Variants in RGS7 observed in about 807,000 individuals in gnomAD.
RGS7 encodes regulator of G protein signaling 7.
In RGS7, 27 loss-of-function variants were observed where a neutral mutation model predicts 81.1. The ratio of observed to expected loss-of-function variants is 0.33; its 90% CI spans 0.25 to 0.46. The LOEUF (loss-of-function observed/expected upper bound fraction) is 0.46. Ranked by LOEUF, RGS7 falls within the 20% of genes least tolerant of loss-of-function variation. The probability of loss-of-function intolerance (pLI) is 1.00; values close to 1 mark genes in which losing one functional copy is unlikely to be tolerated. For missense variants in RGS7, 396 were observed against 607.4 expected (o/e 0.65, Z 3.66); for synonymous variants, 208 against 207.7 (o/e 1.00, Z -0.01).
At chr1:241,104,623 C>T (rs1376610955) in intron 2 of RGS7, among the ~76,000 whole-genome samples, 1 of 152,164 alleles carries the variant, frequency 6.6e-6, no homozygotes, top group African/African-American at 2.4e-5. Context: ...GTTTGCAAGA[C>T]TTAATTTTTT....
intron 2 of RGS7, among the ~76,000 whole-genome samples, chr1:241,233,106 T>C (rs1487152892): frequency 6.6e-6 from 1 of 152,218 alleles, no homozygotes; most frequent in Non-Finnish European, 1.5e-5. Flanking sequence ...TATGTTTCCC[T>C]AGCACTGAAC....
intron 4 of RGS7, among the ~76,000 whole-genome samples, chr1:240,941,878 G>C (rs1677643516): frequency 6.6e-6 from 1 of 150,768 alleles, no homozygotes; most frequent in Non-Finnish European, 1.5e-5. Context: ...CGGCACACCA[G>C]ATGGCCCAGC....
intron 2 of RGS7, among the ~76,000 whole-genome samples, chr1:241,234,344 G>T (rs1037848795): frequency 2.0e-5 from 3 of 152,092 alleles, no homozygotes; most frequent in African/African-American, 7.2e-5. Flanking sequence ...AAGAAATAAA[G>T]ACCATATTTC....
chr1:241,020,232 G>T (rs148911692), intron 3 of RGS7, among the ~76,000 whole-genome samples: 1 of 152,248 alleles, frequency 6.6e-6, no homozygotes, highest in Admixed American at 6.5e-5. Context: ...AATAAAACAC[G>T]CATGTATTCA....
At chr1:240,858,847 T>C (rs1215826935) in intron 9 of RGS7, among the ~76,000 whole-genome samples, 1 of 152,202 alleles carries the variant, frequency 6.6e-6, no homozygotes, top group African/African-American at 2.4e-5. Flanking sequence ...CCCACTTCAC[T>C]GTGGTGTAAA....
intron 6 of RGS7, among the ~76,000 whole-genome samples, chr1:240,886,594 C>T (rs143129754): frequency 1.3e-5 from 2 of 152,296 alleles, no homozygotes; most frequent in East Asian, 3.9e-4. Flanking sequence ...CGCTCTCTCC[C>T]TTTCTCTTTC....
At chr1:241,173,522 T>C (rs892468273) in intron 2 of RGS7, among the ~76,000 whole-genome samples, 19 of 152,196 alleles carry the variant, frequency 1.2e-4, no homozygotes, top group African/African-American at 4.6e-4. Flanking sequence ...CGGTGGCTCA[T>C]ACCTGTAATC....
intron 2 of RGS7, among the ~76,000 whole-genome samples, chr1:241,195,880 T>C (rs535705217): frequency 6.6e-6 from 1 of 152,246 alleles, no homozygotes; most frequent in African/African-American, 2.4e-5. Flanking sequence ...AATACACATG[T>C]AACTGAAATT....
chr1:240,824,130 G>A (rs144369813), intron 10 of RGS7, among the ~76,000 whole-genome samples: 2 of 152,206 alleles, frequency 1.3e-5, no homozygotes, highest in East Asian at 1.9e-4. Flanking sequence ...CAAAGCCTTC[G>A]CTTCCTATAT....
intron 2 of RGS7, among the ~76,000 whole-genome samples, chr1:241,152,469 A>G (rs146524026): frequency 1.3e-5 from 2 of 152,304 alleles, no homozygotes; most frequent in Non-Finnish European, 2.9e-5. Context: ...CATCAATAGC[A>G]ATTGCTATTT....
intron 15 of RGS7, among the ~76,000 whole-genome samples, chr1:240,805,017 C>A (rs1033636314): frequency 3.3e-5 from 5 of 152,106 alleles, no homozygotes; most frequent in Non-Finnish European, 4.4e-5. Context: ...AATTAATATT[C>A]TTCTCCAAAA....
At chr1:241,139,512 G>A (rs1457228527) in intron 2 of RGS7, among the ~76,000 whole-genome samples, 2 of 152,136 alleles carry the variant, frequency 1.3e-5, no homozygotes, top group African/African-American at 2.4e-5. Context: ...GGTAAATAGT[G>A]GATATTTGAA....
At chr1:240,882,988 G>A (rs544139870) in intron 6 of RGS7, among the ~76,000 whole-genome samples, 154 of 152,188 alleles carry the variant, frequency 1.0e-3, no homozygotes, top group Non-Finnish European at 1.9e-3. Flanking sequence ...GAGAACATGT[G>A]GTGTTTGGTT....
At chr1:241,278,581 A>G (rs1159368420) in intron 2 of RGS7, among the ~76,000 whole-genome samples, 1 of 152,138 alleles carries the variant, frequency 6.6e-6, no homozygotes, top group East Asian at 1.9e-4. Context: ...CTCCTTCACC[A>G]CAGAGCTCAC....
intron 2 of RGS7, among the ~76,000 whole-genome samples, chr1:241,190,908 T>G (rs2072592557): frequency 6.6e-6 from 1 of 152,156 alleles, no homozygotes; most frequent in South Asian, 2.1e-4. Flanking sequence ...TTCTAGCCAT[T>G]AAGTGTAATG....
intron 4 of RGS7, among the ~76,000 whole-genome samples, chr1:240,976,601 G>C (rs1684096472): frequency 6.6e-6 from 1 of 152,194 alleles, no homozygotes; most frequent in Admixed American, 6.5e-5. Context: ...CTCCAAGGAA[G>C]AGGGAATTCT....
chr1:241,331,081 G>A (rs1050690887), intron 2 of RGS7, among the ~76,000 whole-genome samples: 1 of 152,026 alleles, frequency 6.6e-6, no homozygotes, highest in Non-Finnish European at 1.5e-5. Context: ...CTTTGTTCCA[G>A]CAAATGTCAA....
intron 15 of RGS7, among the ~76,000 whole-genome samples, chr1:240,804,441 C>G (rs1294881979): frequency 6.7e-6 from 1 of 150,030 alleles, no homozygotes; most frequent in Non-Finnish European, 1.5e-5. Context: ...ACCTTACGAT[C>G]AGATTTTTTT....
intron 2 of RGS7, among the ~76,000 whole-genome samples, chr1:241,324,915 T>C (rs2081407719): frequency 6.6e-6 from 1 of 152,210 alleles, no homozygotes; most frequent in South Asian, 2.1e-4. Context: ...ATTCTGTATT[T>C]CTATTAAAAG....
Sources: gnomAD v4.1 joint callset for allele counts (sites outside exome capture counted in the v4.1 genomes callset) on GRCh38, gnomAD v4.1.1 for gene constraint, MANE v1.5 for transcripts, NCBI Gene and HGNC (gene_info 2026-07-23, HGNC 2026-07-21) for gene names.